The following EPAS1 variants were observed in gnomAD, a reference collection of about 807,000 sequenced individuals.
The protein encoded by EPAS1 is endothelial PAS domain-containing protein 1.
In EPAS1, 23 loss-of-function variants were observed where a neutral mutation model predicts 87.9. That is an observed-to-expected ratio of 0.26 (90% confidence interval 0.19 to 0.37). EPAS1 has a LOEUF of 0.37. EPAS1 is among the 10% of genes least tolerant of loss of function. EPAS1 has a pLI of 1.00. For missense variants in EPAS1, 1,138 were observed against 1,120.7 expected, an observed-to-expected ratio of 1.02 and a Z score of -0.22; for synonymous variants, 508 against 444.3, an observed-to-expected ratio of 1.14 and a Z score of -1.80.
intron 2 of EPAS1, among the ~76,000 whole-genome samples, chr2:46,352,329 C>T (rs1684182117): frequency 6.6e-6 from 1 of 152,244 alleles, no homozygotes; most frequent in South Asian, 2.1e-4. Flanking sequence ...AGGGAAGGAA[C>T]TGCCCTTACA....
intron 15 of EPAS1, among the ~76,000 whole-genome samples, chr2:46,382,897 A>C (rs1684933786): frequency 6.6e-6 from 1 of 152,016 alleles, no homozygotes; most frequent in Non-Finnish European, 1.5e-5. Context: ...AGGACTGAAC[A>C]CTGAACACTG....
chr2:46,337,473 A>G (rs546385821), intron 1 of EPAS1, among the ~76,000 whole-genome samples: 1 of 152,272 alleles, frequency 6.6e-6, no homozygotes, highest in South Asian at 2.1e-4. Flanking sequence ...GGGGCGGGAA[A>G]CTGCTCCCCA....
rs1338717763 is a variant in EPAS1 at position 46,347,750 on chromosome 2, C to G, written c.217+687C>G. Among the ~76,000 whole-genome samples the G allele has an allele frequency of 6.6e-6, 1 of 152,192 alleles. No homozygotes were observed. The highest frequency in any genetic ancestry group is 1.5e-5 in the Non-Finnish European group (1 of 68,028). ...AAAGTTCACAAGACATTTGCTTTTTCTCAGTTACATTCTTCAAGAAACCAT... is the reference window on the plus strand; with the variant it reads ...AAAGTTCACAAGACATTTGCTTTTTGTCAGTTACATTCTTCAAGAAACCAT... On this transcript the variant is annotated intron_variant, in intron 2 of 15. Transcript: ENST00000263734. This position sits in a 1 kb window ranked among gnomAD's most constrained non-coding sequence, Gnocchi z 4.2.
intron 2 of EPAS1, among the ~76,000 whole-genome samples, chr2:46,349,876 A>G (rs1684114655): frequency 6.6e-6 from 1 of 152,248 alleles, no homozygotes; most frequent in South Asian, 2.1e-4. Context: ...TTGTGGGCAG[A>G]TAGACCTGCA....
intron 1 of EPAS1, among the ~76,000 whole-genome samples, chr2:46,338,368 G>A (rs150212103): frequency 3.3e-5 from 5 of 152,318 alleles, no homozygotes; most frequent in Admixed American, 1.3e-4. Flanking sequence ...CTCAGCTTGC[G>A]GAGGTTAATT....
chr2:46,378,623 C>T (rs200567446), intron 10 of EPAS1, 34 bp from the exon 11 acceptor site: 1 of 1,585,942 alleles, frequency 6.3e-7, no homozygotes, highest in East Asian at 2.2e-5. Flanking sequence ...AGTGCCATAT[C>T]TTTGACTCTG....
At chr2:46,356,083 A>G (rs1684263510) in intron 2 of EPAS1, 68 bp from the exon 3 acceptor site, 3 of 1,521,236 alleles carry the variant, frequency 2.0e-6, no homozygotes, top group Non-Finnish European at 1.8e-6. Context: ...GCAAATGCCT[A>G]TCTGTGCCAG....
At chr2:46,345,121 T>G (rs1424063633) in intron 1 of EPAS1, among the ~76,000 whole-genome samples, 1 of 152,180 alleles carries the variant, frequency 6.6e-6, no homozygotes, top group South Asian at 2.1e-4. Flanking sequence ...ACCTATGAAC[T>G]TCGCTGGATG....
intron 1 of EPAS1, among the ~76,000 whole-genome samples, chr2:46,325,438 T>C (rs1683536354): frequency 6.6e-6 from 1 of 152,220 alleles, no homozygotes; most frequent in African/African-American, 2.4e-5. Context: ...TCATTCATGG[T>C]AAAAGCCCTA....
At chr2:46,327,416 T>C (rs1161734256) in intron 1 of EPAS1, among the ~76,000 whole-genome samples, 1 of 152,216 alleles carries the variant, frequency 6.6e-6, no homozygotes, top group African/African-American at 2.4e-5. Flanking sequence ...GATTTTAGAA[T>C]GGACCAGAGT....
chr2:46,384,421 T>C, intron 15 of EPAS1, 88 bp from the exon 16 acceptor site: 1 of 1,577,618 alleles, frequency 6.3e-7, no homozygotes, highest in African/African-American at 1.3e-5. Context: ...AGGGCTGCTC[T>C]ATTGGTATCC....
At chr2:46,374,415 T>C (rs1236065735) in intron 7 of EPAS1, among the ~76,000 whole-genome samples, 1 of 152,198 alleles carries the variant, frequency 6.6e-6, no homozygotes, top group Admixed American at 6.5e-5. Flanking sequence ...CTATACAAAA[T>C]TTGTTGGTGA....
chr2:46,356,115 A>T, intron 2 of EPAS1, 36 bp from the exon 3 acceptor site: 7 of 1,397,094 alleles, frequency 5.0e-6, no homozygotes, highest in Non-Finnish European at 7.1e-6. Context: ...TTCACTCCAC[A>T]TTCATGCAAG....
At chr2:46,320,609 G>A (rs1683437170) in intron 1 of EPAS1, among the ~76,000 whole-genome samples, 1 of 152,222 alleles carries the variant, frequency 6.6e-6, no homozygotes, top group South Asian at 2.1e-4. Context: ...GACAGCCAGA[G>A]CTAAATCTCC....
At chr2:46,312,004 T>C (rs1396740517) in intron 1 of EPAS1, among the ~76,000 whole-genome samples, 1 of 152,230 alleles carries the variant, frequency 6.6e-6, no homozygotes, top group Non-Finnish European at 1.5e-5. Context: ...TGTATCTCCT[T>C]GTATGGCTCC....
At chr2:46,331,379 T>G (rs750399688) in intron 1 of EPAS1, among the ~76,000 whole-genome samples, 8 of 152,236 alleles carry the variant, frequency 5.3e-5, no homozygotes, top group Non-Finnish European at 1.0e-4. Flanking sequence ...CAGATGTGAT[T>G]TAAATTCCAA....
In EPAS1 at chr2:46,381,680, A is replaced by C. The variant is rs1205773241; in HGVS notation, c.2130A>C (p.Arg710=). The change falls in exon 13 of 16, where the codon CGA becomes CGC. Residue 710 remains arginine (R), a synonymous_variant. Coordinates refer to ENST00000263734, the MANE Select transcript of EPAS1 (RefSeq NM_001430.5). ...VALSNKLKLK[R]QLEYEEQAFQ... ...TCTCCAACAAGCTGAAGCTGAAGCG[A>C]CAGCTGGAGTATGAAGAGCAAGCCT... 13 of 1,613,896 alleles carry C rather than the reference A, an allele frequency of 8.1e-6. No homozygotes were observed. In the South Asian group the frequency reaches 1.1e-4, roughly 14 times the overall value.
At position 46,360,569 on chromosome 2, in the gene EPAS1, C is replaced by A; in HGVS notation, c.455-69C>A. 7.4e-7 allele frequency: 1 copy of A among 1,347,838 alleles called. No homozygotes were observed. Among genetic ancestry groups the A allele is most frequent in the Non-Finnish European group, 1.1e-6 (1 of 937,808 alleles). The allele number at this position is 1,347,838 out of a possible 1,614,324, so 83.5% of individuals were successfully genotyped here. On this transcript the variant is annotated intron_variant, in intron 4 of 15. Transcript: ENST00000263734. This position sits in a 1 kb window ranked among gnomAD's most constrained non-coding sequence, Gnocchi z 4.5. ...AATAGGCTGCCAAGAAAAACTGCAG[C>A]TGGGCCCCTCTCATGAATATCCATA...
chr2:46,358,876 G>A (rs890640359), intron 4 of EPAS1, among the ~76,000 whole-genome samples: 1 of 152,212 alleles, frequency 6.6e-6, no homozygotes, highest in African/African-American at 2.4e-5. Flanking sequence ...AAGGCCAGGT[G>A]GAGGGCCTTG....
Sources: gnomAD v4.1 joint callset for allele counts (sites outside exome capture counted in the v4.1 genomes callset) on GRCh38, gnomAD v4.1.1 for gene constraint, Gnocchi (gnomAD v3.1) non-coding constraint, MANE v1.5 for transcripts, NCBI Gene and HGNC (gene_info 2026-07-23, HGNC 2026-07-21) for gene names.